Variants in DLC1 observed in about 807,000 individuals in gnomAD.
The protein encoded by DLC1 is DLC1 Rho GTPase activating protein, also known as rho GTPase-activating protein 7.
Under a neutral mutation model 140.3 loss-of-function variants are expected in DLC1, and 54 were observed. The observed-to-expected ratio is 0.38, with a 90% CI of 0.31 to 0.48. The LOEUF is 0.48. DLC1 is among the 20% of genes least tolerant of loss of function. DLC1 has a pLI of 0.96. For synonymous variants in DLC1, 986 were observed against 728.1 expected, an observed-to-expected ratio of 1.35 and a Z score of -5.70; for missense variants, 2,536 against 1,907.0, an observed-to-expected ratio of 1.33 and a Z score of -6.14.
rs2128925166 is a variant in DLC1, at chr8:13,086,276, G to T, written c.4466+14C>A. ...TGACCCTCACCATATAAAAAAATCA[G>T]AATCAGAACATACCTTAAGTCAACT... On this transcript the variant is annotated intron_variant, in intron 17 of 17. Coordinates refer to ENST00000276297, the MANE Select transcript of DLC1 (RefSeq NM_182643.3). 6.2e-7 allele frequency: 1 copy of T among 1,607,652 alleles called. No individual in the cohort carries two copies. Among genetic ancestry groups the T allele is most frequent in the African/African-American group, 1.3e-5 (1 of 74,772 alleles).
intron 2 of DLC1, among the ~76,000 whole-genome samples, chr8:13,489,922 T>C (rs1362957643): frequency 6.6e-6 from 1 of 152,230 alleles, no homozygotes; most frequent in Admixed American, 6.5e-5. Context: ...ATACCATTGT[T>C]CTAGGTGCTG....
intron 1 of DLC1, among the ~76,000 whole-genome samples, chr8:13,551,381 T>G (rs541056535): frequency 1.3e-5 from 2 of 152,202 alleles, no homozygotes; most frequent in East Asian, 1.9e-4. Context: ...GTTCTAGATT[T>G]TGAATTTTTA....
chr8:13,096,628 T>A (rs974226021), intron 10 of DLC1, among the ~76,000 whole-genome samples: 3 of 152,010 alleles, frequency 2.0e-5, no homozygotes, highest in Non-Finnish European at 2.9e-5. Context: ...AATACTTATT[T>A]CTGTCATTCA....
At chr8:13,303,629 C>G (rs1031564003) in intron 5 of DLC1, among the ~76,000 whole-genome samples, 1 of 152,006 alleles carries the variant, frequency 6.6e-6, no homozygotes, top group African/African-American at 2.4e-5. Context: ...TGGCGAAACC[C>G]CATCTCTACT....
intron 5 of DLC1, among the ~76,000 whole-genome samples, chr8:13,299,565 A>G (rs867039796): frequency 7.0e-6 from 1 of 142,952 alleles, no homozygotes; most frequent in Non-Finnish European, 1.5e-5. Context: ...GTTGCATGCC[A>G]CAGACCTAGG....
At chr8:13,489,944 T>A (rs1801160957) in intron 2 of DLC1, among the ~76,000 whole-genome samples, 2 of 152,228 alleles carry the variant, frequency 1.3e-5, no homozygotes, top group African/African-American at 4.8e-5. Context: ...ACTATGTGGA[T>A]GTTTAATGAG....
chr8:13,268,319 G>T (rs1830774149), intron 5 of DLC1, among the ~76,000 whole-genome samples: 1 of 152,180 alleles, frequency 6.6e-6, no homozygotes, highest in East Asian at 1.9e-4. Context: ...TAACTTGCCT[G>T]ACTCTGTTTG....
chr8:13,325,606 G>T (rs1486379934), intron 4 of DLC1, among the ~76,000 whole-genome samples: 7 of 152,286 alleles, frequency 4.6e-5, no homozygotes, highest in African/African-American at 1.7e-4. Flanking sequence ...ACAAGTCTCA[G>T]TCAACCATGG....
intron 5 of DLC1, among the ~76,000 whole-genome samples, chr8:13,216,878 G>C (rs2117131335): frequency 6.6e-6 from 1 of 152,224 alleles, no homozygotes; most frequent in East Asian, 1.9e-4. Flanking sequence ...CTCTGGTTTT[G>C]AACCACTGGC....
chr8:13,350,663 C>T (rs1419175399), intron 4 of DLC1, among the ~76,000 whole-genome samples: 2 of 152,036 alleles, frequency 1.3e-5, no homozygotes, highest in Non-Finnish European at 2.9e-5. Context: ...TTGCAGTGAG[C>T]CTAGATGGCA....
chr8:13,347,269 A>G (rs1834385848), intron 4 of DLC1, among the ~76,000 whole-genome samples: 1 of 152,218 alleles, frequency 6.6e-6, no homozygotes, highest in Non-Finnish European at 1.5e-5. Flanking sequence ...TTTCTAGTCC[A>G]TATCTCTATC....
chr8:13,452,856 A>T (rs976763395), intron 2 of DLC1, among the ~76,000 whole-genome samples: 12 of 152,150 alleles, frequency 7.9e-5, no homozygotes, highest in African/African-American at 2.9e-4. Context: ...AAATATTCTA[A>T]CATGCCCTTG....
intron 5 of DLC1, among the ~76,000 whole-genome samples, chr8:13,122,033 T>C (rs1345845131): frequency 6.6e-6 from 1 of 152,142 alleles, no homozygotes; most frequent in Non-Finnish European, 1.5e-5. Context: ...TTTTCACCCT[T>C]GGATTATCCT....
chr8:13,430,223 C>T (rs1838797581), intron 2 of DLC1, among the ~76,000 whole-genome samples: 1 of 152,084 alleles, frequency 6.6e-6, no homozygotes, highest in Non-Finnish European at 1.5e-5. Flanking sequence ...GGCAAATTCC[C>T]TTCCTCCCTG....
intron 3 of DLC1, among the ~76,000 whole-genome samples, chr8:13,400,490 A>G (rs902635924): frequency 3.3e-5 from 5 of 152,174 alleles, no homozygotes; most frequent in Admixed American, 2.0e-4. Flanking sequence ...TATTTTGCCT[A>G]TTCTGAATAC....
intron 1 of DLC1, among the ~76,000 whole-genome samples, chr8:13,604,288 G>C (rs1805977369): frequency 6.6e-6 from 1 of 152,102 alleles, no homozygotes; most frequent in South Asian, 2.1e-4. Flanking sequence ...ATTTCCATGA[G>C]AAAGCATTAC....
intron 5 of DLC1, among the ~76,000 whole-genome samples, chr8:13,164,284 C>T (rs145529834): frequency 0.02 from 2,461 of 123,758 alleles, 70 homozygotes; most frequent in African/African-American, 0.075. Flanking sequence ...GGGACAAGAG[C>T]GAGACTTCTC....
chr8:13,229,233 C>T (rs958912055), intron 5 of DLC1, among the ~76,000 whole-genome samples: 1 of 152,152 alleles, frequency 6.6e-6, no homozygotes, highest in African/African-American at 2.4e-5. Flanking sequence ...TATATACACA[C>T]AGCAGAATAT....
intron 2 of DLC1, among the ~76,000 whole-genome samples, chr8:13,409,720 G>T (rs955839579): frequency 3.9e-5 from 6 of 152,084 alleles, no homozygotes; most frequent in Non-Finnish European, 5.9e-5. Context: ...TCTCTCAAAG[G>T]CTTGTTTCTT....
Sources: allele counts gnomAD v4.1 joint callset (sites outside exome capture counted in the v4.1 genomes callset), GRCh38; gene constraint gnomAD v4.1.1; transcripts MANE v1.5; gene names NCBI Gene and HGNC (gene_info 2026-07-23, HGNC 2026-07-21).